The following FREM3 variants were observed in gnomAD, a reference collection of about 807,000 sequenced individuals.
FREM3 encodes FRAS1-related extracellular matrix protein 3.
In FREM3, 105 loss-of-function variants were observed where a neutral mutation model predicts 129.1. The observed-to-expected ratio is 0.81, with a 90% CI of 0.69 to 0.96. The LOEUF (loss-of-function observed/expected upper bound fraction) is 0.96. FREM3 is among the 40% of genes least tolerant of loss of function. The probability of loss-of-function intolerance (pLI) is 0.00; values close to 1 mark genes in which losing one functional copy is unlikely to be tolerated. For missense variants in FREM3, 2,593 were observed against 2,666.3 expected (o/e 0.97, Z 0.61); for synonymous variants, 1,014 against 1,044.9 (o/e 0.97, Z 0.57).
intron 2 of FREM3, among the ~76,000 whole-genome samples, chr4:143,639,452 T>A (rs540947212): frequency 5.9e-5 from 9 of 152,242 alleles, no homozygotes; most frequent in Middle Eastern, 3.4e-3. Context: ...ATCCCTCAGA[T>A]GAGGGAGTGG....
intron 2 of FREM3, among the ~76,000 whole-genome samples, chr4:143,654,341 T>C (rs566659923): frequency 1.2e-3 from 190 of 152,314 alleles, no homozygotes; most frequent in African/African-American, 4.4e-3. Context: ...AGGCCTCAAG[T>C]GATCTGCCCG....
intron 2 of FREM3, among the ~76,000 whole-genome samples, chr4:143,636,148 G>GA (rs1335899810): frequency 1.3e-5 from 2 of 149,912 alleles, no homozygotes; most frequent in East Asian, 3.9e-4. Context: ...TAAAACAGTA[G>GA]AAAACATTGT....
chr4:143,674,096 G>T (rs1488145866), intron 2 of FREM3, among the ~76,000 whole-genome samples: 2 of 152,144 alleles, frequency 1.3e-5, no homozygotes, highest in African/African-American at 2.4e-5. Flanking sequence ...TGCACCCACT[G>T]TCCAGCACCC....
At chr4:143,652,457 C>T (rs1236141251) in intron 2 of FREM3, among the ~76,000 whole-genome samples, 2 of 39,676 alleles carry the variant, frequency 5.0e-5, no homozygotes, top group African/African-American at 1.1e-4. Context: ...CCACCGCGCC[C>T]GGCCCTTTTT....
At chr4:143,663,037 G>T (rs964508527) in intron 2 of FREM3, among the ~76,000 whole-genome samples, 5 of 151,966 alleles carry the variant, frequency 3.3e-5, no homozygotes, top group Non-Finnish European at 7.4e-5. Context: ...CTCTTTATCC[G>T]ATTTGCCACT....
At chr4:143,674,760 C>G (rs909480586) in intron 2 of FREM3, among the ~76,000 whole-genome samples, 5 of 152,096 alleles carry the variant, frequency 3.3e-5, no homozygotes, top group Non-Finnish European at 7.4e-5. Context: ...TGATAAAACA[C>G]ACTTTAAACC....
intron 5 of FREM3, among the ~76,000 whole-genome samples, chr4:143,618,868 C>G (rs572194824): frequency 6.6e-6 from 1 of 152,228 alleles, no homozygotes; most frequent in African/African-American, 2.4e-5. Context: ...TGCACTCCAG[C>G]CTGGGTGATA....
chr4:143,593,449 T>A (rs1578825754), intron 6 of FREM3, among the ~76,000 whole-genome samples: 1 of 152,244 alleles, frequency 6.6e-6, no homozygotes, highest in East Asian at 1.9e-4. Context: ...GTTTTCCTTC[T>A]AACAGTCAGG....
intron 2 of FREM3, among the ~76,000 whole-genome samples, chr4:143,682,462 G>A (rs1740271466): frequency 6.6e-6 from 1 of 152,204 alleles, no homozygotes; most frequent in Non-Finnish European, 1.5e-5. Flanking sequence ...TGAGCATGAA[G>A]TGGCCAATGA....
chr4:143,629,325 A>G (rs1308866632), intron 2 of FREM3, among the ~76,000 whole-genome samples: 1 of 152,194 alleles, frequency 6.6e-6, no homozygotes, highest in Non-Finnish European at 1.5e-5. Context: ...TTCGCACTGC[A>G]GGTTCTGATC....
intron 2 of FREM3, among the ~76,000 whole-genome samples, chr4:143,650,531 C>G (rs1187012417): frequency 6.6e-6 from 1 of 152,204 alleles, no homozygotes; most frequent in East Asian, 1.9e-4. Flanking sequence ...TGCTCTGTCA[C>G]TCAGGTTGGA....
intron 2 of FREM3, among the ~76,000 whole-genome samples, chr4:143,633,604 C>A (rs1017968264): frequency 6.6e-6 from 1 of 152,088 alleles, no homozygotes; most frequent in Non-Finnish European, 1.5e-5. Flanking sequence ...ATTAGCATAA[C>A]GCCTGGCATG....
chr4:143,631,606 T>C (rs1167180542), intron 2 of FREM3, among the ~76,000 whole-genome samples: 1 of 152,124 alleles, frequency 6.6e-6, no homozygotes, highest in Admixed American at 6.6e-5. Flanking sequence ...ATAAGACGTG[T>C]ATATGAAACT....
At chr4:143,656,658 G>C (rs1055009966) in intron 2 of FREM3, among the ~76,000 whole-genome samples, 1 of 152,130 alleles carries the variant, frequency 6.6e-6, no homozygotes, top group Non-Finnish European at 1.5e-5. Context: ...CGAGAGTAGG[G>C]AGAGGGGTGG....
Position 143,627,772 on chromosome 4 carries a change from A to G in FREM3, c.5276-12T>C. On this transcript the variant is annotated splice_polypyrimidine_tract_variant and intron_variant, in intron 2 of 7. Transcript: ENST00000329798. ...TAGTTTATTTCCTCCTGCAATTGATAGGGGCAAAGGAAAAGTCAGCTGGAG... is the reference window on the plus strand; with the variant it reads ...TAGTTTATTTCCTCCTGCAATTGATGGGGGCAAAGGAAAAGTCAGCTGGAG... 1 of 1,529,186 alleles carries G rather than the reference A, an allele frequency of 6.5e-7. No homozygotes were observed. The highest frequency in any genetic ancestry group is 8.8e-7 in the Non-Finnish European group (1 of 1,140,654). The allele number at this position is 1,529,186 out of a possible 1,614,324, so 94.7% of individuals were successfully genotyped here. A position where few individuals can be genotyped will look rare whatever the true frequency, so the allele number is the denominator to read the frequency against.
chr4:143,581,899 G>A (rs1738154476), intron 7 of FREM3, among the ~76,000 whole-genome samples: 1 of 152,038 alleles, frequency 6.6e-6, no homozygotes, highest in African/African-American at 2.4e-5. Flanking sequence ...CCCCAGAGAA[G>A]AAAAGGAACA....
chr4:143,668,420 C>CA (rs769608632), intron 2 of FREM3, among the ~76,000 whole-genome samples: 25 of 152,244 alleles, frequency 1.6e-4, no homozygotes, highest in Non-Finnish European at 2.5e-4. Context: ...AAACAACTGC[C>CA]AAAAAATAGA....
rs1344344820 is a variant in FREM3, at chr4:143,699,674, G to A, written c.1002C>T (p.Asp334=). ...ALTPDALAAE[D]VESDPGDLVF... ...CCAGGTCACCAGGGTCTGACTCGAC[G>A]TCCTCCGCGGCCAGTGCGTCAGGCG... The change falls in exon 1 of 8, where the codon GAC becomes GAT. Residue 334 remains aspartate, a synonymous_variant. Transcript: ENST00000329798. The surrounding 1 kb of genome is among the most constrained non-coding windows in gnomAD (Gnocchi z 4.2). The A allele has an allele frequency of 1.3e-6, 2 of 1,528,016 alleles. No individual in the cohort carries two copies. Among genetic ancestry groups the A allele is most frequent in the East Asian group, 2.5e-5 (1 of 40,794 alleles). The allele number at this position is 1,528,016 out of a possible 1,614,324, so 94.7% of individuals were successfully genotyped here. A position where few individuals can be genotyped will look rare whatever the true frequency, so the allele number is the denominator to read the frequency against.
At position 143,700,016 on chromosome 4, in the gene FREM3, C is replaced by A. The variant is rs1280434802; in HGVS notation, c.660G>T (p.Leu220=). 14 of 1,506,918 alleles carry A rather than the reference C, an allele frequency of 9.3e-6. No individual in the cohort carries two copies. Among genetic ancestry groups the A allele is most frequent in the African/African-American group, 1.4e-5 (1 of 72,398 alleles). The allele number at this position is 1,506,918 out of a possible 1,614,324, so 93.3% of individuals were successfully genotyped here. A position where few individuals can be genotyped will look rare whatever the true frequency, so the allele number is the denominator to read the frequency against. The change falls in exon 1 of 8, where the codon CTG becomes CTT. Residue 220 remains leucine (L), a synonymous_variant. Coordinates refer to ENST00000329798, the MANE Select transcript of FREM3 (RefSeq NM_001168235.2). ...LTPLPHEDGP[L]PKYGRLVDAV... ...CGTCCACCAAGCGCCCGTACTTGGGCAGGGGGCCGTCCTCGTGAGGAAGTG... is the reference window on the plus strand; with the variant it reads ...CGTCCACCAAGCGCCCGTACTTGGGAAGGGGGCCGTCCTCGTGAGGAAGTG...
Sources: allele counts gnomAD v4.1 joint callset (sites outside exome capture counted in the v4.1 genomes callset), GRCh38; gene constraint gnomAD v4.1.1; non-coding constraint Gnocchi (gnomAD v3.1); transcripts MANE v1.5; gene names NCBI Gene and HGNC (gene_info 2026-07-23, HGNC 2026-07-21).